EPHA3: variants seen among roughly 807,000 people sequenced by gnomAD.
EPHA3 encodes the protein ephrin type-A receptor 3.
A neutral mutation model predicts 107.1 loss-of-function variants in EPHA3; 42 were observed. That is an observed-to-expected ratio of 0.39 (90% CI 0.31 to 0.51). The LOEUF is 0.51. Among genes scored for constraint, EPHA3 ranks in the 20% least tolerant of loss-of-function variants. The pLI, the probability that EPHA3 is intolerant of heterozygous loss-of-function variation, is 0.78. For missense variants in EPHA3, 1,183 were observed against 1,211.2 expected (o/e 0.98, Z 0.35); for synonymous variants, 461 against 424.8 (o/e 1.09, Z -1.05).
chr3:89,272,723 C>T (rs1453799597), intron 3 of EPHA3, among the ~76,000 whole-genome samples: 5 of 151,834 alleles, frequency 3.3e-5, no homozygotes, highest in Non-Finnish European at 5.9e-5. Flanking sequence ...TACTCTTTTT[C>T]TCTTTGTCCA....
intron 2 of EPHA3, among the ~76,000 whole-genome samples, chr3:89,170,384 T>A (rs1199602813): frequency 2.0e-5 from 3 of 152,156 alleles, no homozygotes; most frequent in Non-Finnish European, 4.4e-5. Flanking sequence ...ATTTTCCTCA[T>A]AAGGACTTTG....
In EPHA3 at chr3:89,127,280, T is replaced by G; in HGVS notation, c.153+7T>G. 6.2e-7 allele frequency: 1 copy of G among 1,607,782 alleles called. No homozygotes were observed. Among genetic ancestry groups the G allele is most frequent in the Non-Finnish European group, 8.5e-7 (1 of 1,174,848 alleles). On this transcript the variant is annotated splice_region_variant and intron_variant, in intron 2 of 16. Coordinates refer to ENST00000336596, the MANE Select transcript of EPHA3 (RefSeq NM_005233.6). ...CTCTTATCCATCACATGGGGTGAGT[T>G]CAATAAACTATCACAAGGAAACATT...
intron 13 of EPHA3, among the ~76,000 whole-genome samples, chr3:89,444,291 G>T (rs1426931565): frequency 1.3e-5 from 2 of 151,980 alleles, no homozygotes; most frequent in Non-Finnish European, 2.9e-5. Flanking sequence ...CTACAATGAA[G>T]AATTTAAAGA....
chr3:89,263,526 G>A (rs764315603), intron 3 of EPHA3, among the ~76,000 whole-genome samples: 2 of 152,160 alleles, frequency 1.3e-5, no homozygotes, highest in East Asian at 1.9e-4. Context: ...AGTAACGGGA[G>A]CTGAAAAGGA....
chr3:89,293,989 A>G lies in EPHA3; in HGVS notation c.815-46927A>G, dbSNP rs1216386394. Among the ~76,000 whole-genome samples, 3 of 152,178 alleles carry G rather than the reference A, an allele frequency of 2.0e-5. No homozygotes were observed. In the East Asian group the frequency reaches 5.8e-4, roughly 29 times the overall value. ...ATTTTACATAATTTTCATGTAATGA[A>G]GTAGTATACTTTTTCCATTCCACTA... On this transcript the variant is annotated intron_variant, in intron 3 of 16. Transcript: ENST00000336596.
At chr3:89,211,366 G>A (rs1704076287) in intron 3 of EPHA3, among the ~76,000 whole-genome samples, 1 of 151,796 alleles carries the variant, frequency 6.6e-6, no homozygotes. Flanking sequence ...ATTAGGCAAG[G>A]TTTTATGCTT....
chr3:89,289,220 T>C (rs1706158149), intron 3 of EPHA3, among the ~76,000 whole-genome samples: 2 of 152,108 alleles, frequency 1.3e-5, no homozygotes, highest in Admixed American at 1.3e-4. Context: ...AACTTTTCTG[T>C]ATCTGATTTC....
At chr3:89,180,210 G>T (rs1262570344) in intron 2 of EPHA3, among the ~76,000 whole-genome samples, 4 of 151,646 alleles carry the variant, frequency 2.6e-5, no homozygotes, top group South Asian at 2.1e-4. Context: ...TTTCATGAAA[G>T]CTTTCTTACC....
chr3:89,438,125 T>C (rs1282959834), intron 13 of EPHA3, among the ~76,000 whole-genome samples: 1 of 152,154 alleles, frequency 6.6e-6, no homozygotes, highest in Non-Finnish European at 1.5e-5. Context: ...TTTGTTTTTT[T>C]TGAGATGGAG....
intron 3 of EPHA3, among the ~76,000 whole-genome samples, chr3:89,238,635 T>C (rs1300259357): frequency 6.6e-6 from 1 of 152,216 alleles, no homozygotes; most frequent in African/African-American, 2.4e-5. Context: ...TATGACGATT[T>C]ACCTGTAACC....
chr3:89,172,464 A>C (rs563017610), intron 2 of EPHA3, among the ~76,000 whole-genome samples: 10 of 152,272 alleles, frequency 6.6e-5, no homozygotes, highest in African/African-American at 2.4e-4. Flanking sequence ...TGCGTTACAA[A>C]AGACCCACAT....
chr3:89,433,154 C>T (rs1372047290), intron 13 of EPHA3, among the ~76,000 whole-genome samples: 2 of 151,904 alleles, frequency 1.3e-5, no homozygotes, highest in Non-Finnish European at 2.9e-5. Flanking sequence ...TATATATTGC[C>T]CAATTGTCTT....
intron 3 of EPHA3, among the ~76,000 whole-genome samples, chr3:89,230,609 T>C (rs1278598837): frequency 6.6e-6 from 1 of 152,090 alleles, no homozygotes. Context: ...ATAAAAACAA[T>C]ATTTTTAGAT....
At chr3:89,356,041 T>A (rs1486468193) in intron 5 of EPHA3, among the ~76,000 whole-genome samples, 2 of 136,854 alleles carry the variant, frequency 1.5e-5, no homozygotes, top group South Asian at 2.5e-4. Flanking sequence ...TGTCCATGTG[T>A]TCTCATTGTT....
chr3:89,195,856 G>T (rs934209085), intron 2 of EPHA3, among the ~76,000 whole-genome samples: 1 of 152,040 alleles, frequency 6.6e-6, no homozygotes, highest in Non-Finnish European at 1.5e-5. Context: ...TAAATCTCAC[G>T]AGTGATGAGA....
At chr3:89,339,652 T>G (rs1707473629) in intron 3 of EPHA3, among the ~76,000 whole-genome samples, 1 of 152,220 alleles carries the variant, frequency 6.6e-6, no homozygotes, top group South Asian at 2.1e-4. Flanking sequence ...TATATTGTAT[T>G]TCTTTTCAGA....
chr3:89,460,010 A>T (rs1250668850), intron 15 of EPHA3, among the ~76,000 whole-genome samples: 1 of 152,208 alleles, frequency 6.6e-6, no homozygotes, highest in South Asian at 2.1e-4. Context: ...GATTTAAATA[A>T]ATTTATTCAC....
At chr3:89,405,253 C>G (rs1191926149) in intron 7 of EPHA3, among the ~76,000 whole-genome samples, 1 of 152,114 alleles carries the variant, frequency 6.6e-6, no homozygotes, top group African/African-American at 2.4e-5. Flanking sequence ...GAGCACAGAT[C>G]ACCCATTTGA....
rs900790203 is a variant in EPHA3 at position 89,481,759 on chromosome 3, A to T, written c.*2257A>T. ...TGTAAACATAAGTGTACGATTCTTA[A>T]CCATGGAGTAGAGGTACTAGAATGC... is the stretch of plus-strand genomic sequence containing the variant. On this transcript the variant is annotated 3_prime_UTR_variant, in exon 17 of 17. Transcript: ENST00000336596. The T allele has an allele frequency of 4.3e-6, 1 of 231,918 alleles. No homozygotes were observed. Among genetic ancestry groups the T allele is most frequent in the African/African-American group, 2.2e-5 (1 of 45,258 alleles). 14.4% of individuals were successfully genotyped at this position (231,918 alleles called of 1,614,324 possible). A position where few individuals can be genotyped will look rare whatever the true frequency, so the allele number is the denominator to read the frequency against.
Sources: allele counts gnomAD v4.1 joint callset (sites outside exome capture counted in the v4.1 genomes callset), GRCh38; gene constraint gnomAD v4.1.1; transcripts MANE v1.5; gene names NCBI Gene and HGNC (gene_info 2026-07-23, HGNC 2026-07-21).